The following FNBP4 variants were observed in gnomAD, a reference collection of about 807,000 sequenced individuals.
FNBP4 encodes formin-binding protein 4.
FNBP4 carries 34 observed loss-of-function variants against 119.3 expected under a neutral mutation model. That is an observed-to-expected ratio of 0.28 (90% CI 0.22 to 0.38). The LOEUF (loss-of-function observed/expected upper bound fraction) is 0.38. Among genes scored for constraint, FNBP4 ranks in the 10% least tolerant of loss-of-function variants. The pLI, the probability that FNBP4 is intolerant of heterozygous loss-of-function variation, is 1.00. For missense variants in FNBP4, 1,112 were observed against 1,228.9 expected, an observed-to-expected ratio of 0.90 and a Z score of 1.42; for synonymous variants, 462 against 430.6, an observed-to-expected ratio of 1.07 and a Z score of -0.90.
intron 2 of FNBP4, among the ~76,000 whole-genome samples, chr11:47,763,608 C>T (rs1046224588): frequency 4.0e-5 from 6 of 151,812 alleles, no homozygotes; most frequent in African/African-American, 1.5e-4. Flanking sequence ...TCACGCCATT[C>T]TCCTGCCTCA....
At position 47,739,107 on chromosome 11, in the gene FNBP4, T is replaced by A. The variant is rs150961204; in HGVS notation, c.1457-2367A>T. On this transcript the variant is annotated intron_variant, in intron 8 of 16. Transcript: ENST00000263773. ...GACCTCCTCCAGCCTCATTTTTTGT[T>A]TTTTAGTAGAGACAAAGTCTCACTA... Among the ~76,000 whole-genome samples the A allele has an allele frequency of 2.0e-4, 31 of 151,820 alleles. No homozygotes were observed. The East Asian group carries it at 6.0e-3, about 29-fold the overall frequency.
At chr11:47,737,495 A>G (rs888848507) in intron 8 of FNBP4, among the ~76,000 whole-genome samples, 22 of 152,258 alleles carry the variant, frequency 1.4e-4, no homozygotes, top group African/African-American at 5.1e-4. Flanking sequence ...GCTGGAGTGC[A>G]GTGGCATGAT....
At chr11:47,754,474 C>T in intron 3 of FNBP4, 54 bp downstream of exon 3, 1 of 1,587,410 alleles carries the variant, frequency 6.3e-7, no homozygotes, top group South Asian at 1.1e-5. Context: ...CACTTAAGAT[C>T]CAGGTCCCAA....
intron 7 of FNBP4, 27 bp from the exon 8 acceptor site, chr11:47,744,190 G>T: frequency 1.3e-6 from 2 of 1,533,732 alleles, no homozygotes; most frequent in Non-Finnish European, 1.8e-6. Flanking sequence ...AATTAAGTTA[G>T]TGTCATTAAC....
At chr11:47,750,688 C>CAAAAAA (rs67153479) in intron 6 of FNBP4, among the ~76,000 whole-genome samples, 19 of 68,060 alleles carry the variant, frequency 2.8e-4, no homozygotes, top group African/African-American at 5.7e-4. Context: ...GACTCTGTCT[C>CAAAAAA]AAAAAAAAAA....
chr11:47,732,768 G>A lies in FNBP4; in HGVS notation c.1687-98C>T. On this transcript the variant is annotated intron_variant, in intron 10 of 16. Transcript: ENST00000263773. This position sits in a 1 kb window ranked among gnomAD's most constrained non-coding sequence, Gnocchi z 4.2. ...CCTTCTGCTCCAAGACTATATCCCT[G>A]TGCTCTGGCAGGACAGTAGACCAGA... 8.8e-7 allele frequency: 1 copy of A among 1,141,292 alleles called. No individual in the cohort carries two copies. Among genetic ancestry groups the A allele is most frequent in the East Asian group, 2.4e-5 (1 of 40,914 alleles). 70.7% of individuals were successfully genotyped at this position (1,141,292 alleles called of 1,614,324 possible).
chr11:47,754,322 T>A (rs1340050712), intron 3 of FNBP4, among the ~76,000 whole-genome samples: 1 of 151,650 alleles, frequency 6.6e-6, no homozygotes, highest in African/African-American at 2.4e-5. Flanking sequence ...AAGACCAGCC[T>A]GAGCAACACA....
intron 2 of FNBP4, among the ~76,000 whole-genome samples, chr11:47,760,981 C>A (rs2097633088): frequency 6.6e-6 from 1 of 152,156 alleles, no homozygotes; most frequent in African/African-American, 2.4e-5. Context: ...AAAAACTTTG[C>A]TCAAAGCTTC....
chr11:47,762,696 T>C (rs2097638198), intron 2 of FNBP4, among the ~76,000 whole-genome samples: 1 of 151,748 alleles, frequency 6.6e-6, no homozygotes, highest in African/African-American at 2.4e-5. Flanking sequence ...GTGGATTACT[T>C]GAAGTCAGGA....
intron 1 of FNBP4, among the ~76,000 whole-genome samples, chr11:47,766,543 C>CACACAAATACTT (rs2097648085): frequency 6.6e-6 from 1 of 152,232 alleles, no homozygotes; most frequent in African/African-American, 2.4e-5. Context: ...AGCACCACTC[C>CACACAAATACTT]AGTGAGAACC....
At chr11:47,735,151 TATC>T (rs1185672000) in intron 9 of FNBP4, among the ~76,000 whole-genome samples, 2 of 151,048 alleles carry the variant, frequency 1.3e-5, no homozygotes, top group Non-Finnish European at 3.0e-5. Flanking sequence ...GTGATAATCA[TATC>T]ATAATATATA....
Position 47,765,272 on chromosome 11 carries a change from GT to G in FNBP4, c.310del (p.Thr104GlnfsTer24). On this transcript the variant is annotated frameshift_variant, in exon 2 of 17. Transcript: ENST00000263773. LOFTEE classifies it high-confidence loss of function. ...MTTRPTAVKA[T>X]GGLCLLGAYA... ...TAAAAAACAAAACAAAAGCATACCT[GT>G]TGCTTTAACAGCTGTGGGTCTAGTG... is the stretch of plus-strand genomic sequence containing the variant. 6.3e-7 allele frequency: 1 copy of G among 1,595,974 alleles called. No homozygotes were observed. Among genetic ancestry groups the G allele is most frequent in the Non-Finnish European group, 8.5e-7 (1 of 1,171,976 alleles).
chr11:47,741,555 C>A (rs150804385), intron 8 of FNBP4, among the ~76,000 whole-genome samples: 1,671 of 151,832 alleles, frequency 0.011, 28 homozygotes, highest in East Asian at 0.031. Context: ...CAGTGGCTCA[C>A]GCCTGTAATC....
chr11:47,728,256 A>AT (rs1039932845), intron 12 of FNBP4, among the ~76,000 whole-genome samples: 9 of 151,082 alleles, frequency 6.0e-5, no homozygotes, highest in African/African-American at 2.2e-4. Flanking sequence ...CAAATTCTTA[A>AT]TTTTTTTTTA....
intron 4 of FNBP4, 41 bp downstream of exon 4, chr11:47,752,875 A>C (rs759521921): frequency 6.9e-5 from 106 of 1,534,024 alleles, no homozygotes; most frequent in Non-Finnish European, 9.3e-5. Context: ...AATCCCTTTA[A>C]GGATTTTACT....
chr11:47,724,372 T>C (rs933346244), intron 13 of FNBP4, 96 bp downstream of exon 13: 7 of 1,587,458 alleles, frequency 4.4e-6, no homozygotes, highest in Non-Finnish European at 6.0e-6. Context: ...TGAGCCACCG[T>C]GCCCGGCCTT....
At chr11:47,761,637 G>C (rs903677476) in intron 2 of FNBP4, among the ~76,000 whole-genome samples, 1 of 151,912 alleles carries the variant, frequency 6.6e-6, no homozygotes, top group African/African-American at 2.4e-5. Context: ...AAATCAACAG[G>C]ATGGTCACGG....
At chr11:47,760,401 A>G (rs961983763) in intron 2 of FNBP4, among the ~76,000 whole-genome samples, 1 of 150,738 alleles carries the variant, frequency 6.6e-6, no homozygotes, top group Admixed American at 6.7e-5. Context: ...AGTTGGGATT[A>G]CAAGTGCGTG....
chr11:47,744,576 T>G (rs1565147013), intron 7 of FNBP4, among the ~76,000 whole-genome samples: 1 of 152,186 alleles, frequency 6.6e-6, no homozygotes, highest in Non-Finnish European at 1.5e-5. Flanking sequence ...CACTCTATTT[T>G]TATTTTTTAA....
Sources: gnomAD v4.1 joint callset for allele counts (sites outside exome capture counted in the v4.1 genomes callset) on GRCh38, gnomAD v4.1.1 for gene constraint, Gnocchi (gnomAD v3.1) non-coding constraint, MANE v1.5 for transcripts, NCBI Gene and HGNC (gene_info 2026-07-23, HGNC 2026-07-21) for gene names.